Variants in TENT5D observed in about 807,000 individuals in gnomAD.
TENT5D encodes terminal nucleotidyltransferase 5D.
For missense variants in TENT5D, 191 were observed against 287.0 expected (o/e 0.67, Z 2.42); for synonymous variants, 103 against 100.6 (o/e 1.02, Z -0.15).
intron 3 of TENT5D, among the ~76,000 whole-genome samples, chrX:80,374,021 T>C (rs1028368217): frequency 9.0e-6 from 1 of 110,841 alleles, no homozygotes; most frequent in African/African-American, 3.3e-5. Flanking sequence ...AAAGGCCTCA[T>C]TGTGTGTTGT....
At chrX:80,407,631 G>A (rs1188587643) in intron 3 of TENT5D, among the ~76,000 whole-genome samples, 1 of 106,823 alleles carries the variant, frequency 9.4e-6, no homozygotes, top group South Asian at 4.1e-4. Context: ...AAGAGACTTA[G>A]ACTCCCACAC....
Position 80,374,805 on chromosome X carries a change from C to T in TENT5D, c.-142+32241C>T, listed in dbSNP as rs1378225218. 1.8e-4 allele frequency among the ~76,000 whole-genome samples: 20 copies of T among 111,114 alleles called. No individual in the cohort carries two copies. In the Admixed American group the frequency reaches 1.9e-3, roughly 11 times the overall value. On this transcript the variant is annotated intron_variant, in intron 3 of 4. Transcript: ENST00000538312. ...AAAATGCTTAGGACAAGAAGGGTTT[C>T]AGATTACAGATTTTTTTGGACTTTG...
At chrX:80,416,673 TTTTC>T (rs1050821992), upstream of TENT5D, among the ~76,000 whole-genome samples, 20 of 109,875 alleles carry the variant, frequency 1.8e-4, no homozygotes, top group African/African-American at 5.9e-4. Context: ...TGGTATGAAT[TTTTC>T]TTTCTTTCTT....
intron 3 of TENT5D, among the ~76,000 whole-genome samples, chrX:80,365,205 T>A (rs1930483461): frequency 8.9e-6 from 1 of 111,990 alleles, no homozygotes; most frequent in Non-Finnish European, 1.9e-5. Flanking sequence ...AATTTTGGTG[T>A]TACCAAGACA....
At chrX:80,335,920 A>T (rs1929841142) in intron 2 of TENT5D, among the ~76,000 whole-genome samples, 1 of 110,352 alleles carries the variant, frequency 9.1e-6, no homozygotes, top group South Asian at 3.8e-4. Flanking sequence ...CAATATATAT[A>T]TAAGATACGA....
chrX:80,394,391 CTTTTTTTTTTTTTTT>C (rs35632962), intron 3 of TENT5D, among the ~76,000 whole-genome samples: 2 of 36,670 alleles, frequency 5.5e-5, no homozygotes, highest in African/African-American at 2.7e-4. Context: ...AGGTCCTTTC[CTTTTTTTTTTTTTTT>C]TTTTTTTTGA....
intron 3 of TENT5D, among the ~76,000 whole-genome samples, chrX:80,397,701 C>T (rs1029711782): frequency 7.1e-5 from 8 of 112,684 alleles, no homozygotes; most frequent in South Asian, 3.7e-4. Context: ...CCGAGGCTGG[C>T]GGATCACTCG....
At chrX:80,377,060 C>A (rs1930743116) in intron 3 of TENT5D, among the ~76,000 whole-genome samples, 1 of 110,600 alleles carries the variant, frequency 9.0e-6, no homozygotes, top group African/African-American at 3.3e-5. Flanking sequence ...TGCCAATAGA[C>A]ACTCCCAGTG....
At chrX:80,442,123 T>C (rs1045111530) in intron 2 of TENT5D, among the ~76,000 whole-genome samples, 2 of 111,352 alleles carry the variant, frequency 1.8e-5, no homozygotes, top group Non-Finnish European at 3.8e-5. Flanking sequence ...CAGAGACATG[T>C]TATCTGGTCT....
intron 3 of TENT5D, among the ~76,000 whole-genome samples, chrX:80,352,895 G>A (rs896896251): frequency 8.1e-5 from 9 of 110,556 alleles, no homozygotes; most frequent in Non-Finnish European, 1.1e-4. Flanking sequence ...GCCGGATAGC[G>A]CAGTCTCTCA....
chrX:80,414,732 C>T (rs1239164200), intron 3 of TENT5D, among the ~76,000 whole-genome samples: 1 of 111,568 alleles, frequency 9.0e-6, no homozygotes, highest in African/African-American at 3.3e-5. Context: ...TGCATTTTTA[C>T]ATAAAGAATA....
chrX:80,442,119 C>A (rs1932295089), intron 2 of TENT5D, among the ~76,000 whole-genome samples: 1 of 111,199 alleles, frequency 9.0e-6, no homozygotes, highest in Admixed American at 9.6e-5. Context: ...AACACAGAGA[C>A]ATGTTATCTG....
At chrX:80,340,517 G>C (rs1929937614) in intron 2 of TENT5D, among the ~76,000 whole-genome samples, 1 of 111,583 alleles carries the variant, frequency 9.0e-6, no homozygotes, top group Non-Finnish European at 1.9e-5. Context: ...GGTTGGAACA[G>C]AGTGTAGCAT....
chrX:80,421,512 T>C (rs1931883113), intron 1 of TENT5D, among the ~76,000 whole-genome samples: 1 of 112,368 alleles, frequency 8.9e-6, no homozygotes, highest in African/African-American at 3.2e-5. Flanking sequence ...TTAAGTACCT[T>C]AAGAGTGAAG....
At chrX:80,402,527 C>T (rs752078963) in intron 3 of TENT5D, among the ~76,000 whole-genome samples, 5 of 111,724 alleles carry the variant, frequency 4.5e-5, no homozygotes, top group Non-Finnish European at 7.5e-5. Context: ...AAGTATTTAT[C>T]GCTAAAGACT....
intron 3 of TENT5D, among the ~76,000 whole-genome samples, chrX:80,392,603 G>A (rs1194254957): frequency 5.8e-5 from 5 of 86,565 alleles, no homozygotes; most frequent in Admixed American, 1.6e-4. Flanking sequence ...TGCAAGCTCC[G>A]CTTCCCGGGT....
intron 3 of TENT5D, among the ~76,000 whole-genome samples, chrX:80,391,265 C>G (rs1430273387): frequency 9.0e-6 from 1 of 111,376 alleles, no homozygotes; most frequent in East Asian, 2.8e-4. Context: ...CAAAAGGGCA[C>G]AGAGTCCTTT....
chrX:80,371,757 T>G (rs1930627803), intron 3 of TENT5D, among the ~76,000 whole-genome samples: 1 of 111,991 alleles, frequency 8.9e-6, no homozygotes, highest in South Asian at 3.7e-4. Flanking sequence ...TGGATTAGGC[T>G]TTCATTCAAG....
intron 3 of TENT5D, among the ~76,000 whole-genome samples, chrX:80,402,897 A>C (rs1243469000): frequency 1.8e-5 from 2 of 111,968 alleles, no homozygotes; most frequent in Non-Finnish European, 3.8e-5. Flanking sequence ...TATTAGGTCC[A>C]TTTGGCCTAA....
Sources: gnomAD v4.1 joint callset for allele counts (sites outside exome capture counted in the v4.1 genomes callset) on GRCh38, gnomAD v4.1.1 for gene constraint, MANE v1.5 for transcripts, NCBI Gene and HGNC (gene_info 2026-07-23, HGNC 2026-07-21) for gene names.